Variants in GDF11 observed in about 807,000 individuals in gnomAD.
GDF11 encodes the protein growth differentiation factor 11.
Under a neutral mutation model 34.4 loss-of-function variants are expected in GDF11, and 12 were observed. The observed-to-expected ratio is 0.35, with a 90% CI of 0.22 to 0.57. GDF11 has a LOEUF of 0.57. GDF11 is among the 20% of genes least tolerant of loss of function. The pLI, the probability that GDF11 is intolerant of heterozygous loss-of-function variation, is 0.86. For missense variants in GDF11, 346 were observed against 548.2 expected, an observed-to-expected ratio of 0.63 and a Z score of 3.68; for synonymous variants, 212 against 231.1, an observed-to-expected ratio of 0.92 and a Z score of 0.75.
At position 55,751,309 on chromosome 12, in the gene GDF11, A is replaced by C. The variant is rs565440032; in HGVS notation, c.*1427A>C. 1 of 152,326 alleles carries C rather than the reference A, an allele frequency of 6.6e-6. No individual in the cohort carries two copies. Among genetic ancestry groups the C allele is most frequent in the African/African-American group, 2.4e-5 (1 of 41,440 alleles). The allele number at this position is 152,326 out of a possible 1,614,324, so 9.4% of individuals were successfully genotyped here. The stretch of plus-strand genomic sequence containing the variant: ...TTAGAACAGAGGATGGGAAGGATGG[A>C]GACTCCCGGGCTTGGAAGGCTAGGA... On this transcript the variant is annotated 3_prime_UTR_variant, in exon 3 of 3. Transcript: ENST00000257868.
rs2136167608 is a variant in GDF11, at chr12:55,749,209, G to C, written c.843+226G>C. 6.6e-6 allele frequency among the ~76,000 whole-genome samples: 1 copy of C among 152,354 alleles called. No homozygotes were observed. The highest frequency in any genetic ancestry group is 3.4e-3 in the Middle Eastern group (1 of 294). On this transcript the variant is annotated intron_variant, in intron 2 of 2. Transcript: ENST00000257868. This position sits in a 1 kb window ranked among gnomAD's most constrained non-coding sequence, Gnocchi z 5.6. ...GAAAACTGGATTTGAAGGTAAAGGT[G>C]TCAGTTAATGGAAGAGCTGTGAGAA...
At position 55,748,540 on chromosome 12, in the gene GDF11, C is replaced by T; in HGVS notation, c.446-46C>T. 6.5e-7 allele frequency: 1 copy of T among 1,545,190 alleles called. No homozygotes were observed. The highest frequency in any genetic ancestry group is 8.7e-7 in the Non-Finnish European group (1 of 1,143,874). ...AGTGCCACCCAGGACTACTGATCCC[C>T]TACACAAACACCCTTTGCTGATGCT... is the stretch of plus-strand genomic sequence containing the variant. On this transcript the variant is annotated intron_variant, in intron 1 of 2. Coordinates refer to ENST00000257868, the MANE Select transcript of GDF11 (RefSeq NM_005811.5). The surrounding 1 kb of genome is among the most constrained non-coding windows in gnomAD (Gnocchi z 5.6).
Position 55,757,260 on chromosome 12 carries a change from A to AT in GDF11, c.*7378_*7379insT, listed in dbSNP as rs1878535393. 2.9e-6 allele frequency: 1 copy of AT among 347,046 alleles called. No homozygotes were observed. Among genetic ancestry groups the AT allele is most frequent in the Non-Finnish European group, 5.3e-6 (1 of 189,854 alleles). The allele number at this position is 347,046 out of a possible 1,614,324, so 21.5% of individuals were successfully genotyped here. On this transcript the variant is annotated 3_prime_UTR_variant, in exon 3 of 3. Coordinates refer to ENST00000257868, the MANE Select transcript of GDF11 (RefSeq NM_005811.5). ...CAATAAATCAAAGGAGCACCTAATAAAACACATTGTTCTCTTTTCTATTTT... is the reference window on the plus strand; with the variant it reads ...CAATAAATCAAAGGAGCACCTAATAATAACACATTGTTCTCTTTTCTATTTT...
rs929870548 is a variant in GDF11, at chr12:55,754,123, G to C, written c.*4241G>C. 7 of 152,146 alleles carry C rather than the reference G, an allele frequency of 4.6e-5. No homozygotes were observed. Among genetic ancestry groups the C allele is most frequent in the African/African-American group, 1.4e-4 (6 of 41,418 alleles). The allele number at this position is 152,146 out of a possible 1,614,324, so 9.4% of individuals were successfully genotyped here. A position where few individuals can be genotyped will look rare whatever the true frequency, so the allele number is the denominator to read the frequency against. On this transcript the variant is annotated 3_prime_UTR_variant, in exon 3 of 3. Coordinates refer to ENST00000257868, the MANE Select transcript of GDF11 (RefSeq NM_005811.5). ...ACTCGAGACCAACTACAAGACTAAG[G>C]CTGGAAGTGGTTGAGTAGCAGAAGT...
At position 55,750,137 on chromosome 12, in the gene GDF11, CAG is replaced by C. The variant is rs908159173; in HGVS notation, c.*261_*262del. 8 of 503,738 alleles carry C rather than the reference CAG, an allele frequency of 1.6e-5. No homozygotes were observed. Among genetic ancestry groups the C allele is most frequent in the South Asian group, 5.9e-5 (2 of 34,046 alleles). The allele number at this position is 503,738 out of a possible 1,614,324, so 31.2% of individuals were successfully genotyped here. The stretch of plus-strand genomic sequence containing the variant: ...CAGATGAGAAGGTTTGACAAAAAGA[CAG>C]AGAGATGTAGAGACAGTGATAGAGA... On this transcript the variant is annotated 3_prime_UTR_variant, in exon 3 of 3. Transcript: ENST00000257868.
Position 55,751,167 on chromosome 12 carries a change from AG to A in GDF11, c.*1289del, listed in dbSNP as rs1878309622. 6.6e-6 allele frequency: 1 copy of A among 152,260 alleles called. No individual in the cohort carries two copies. The highest frequency in any genetic ancestry group is 1.5e-5 in the Non-Finnish European group (1 of 68,086). The allele number at this position is 152,260 out of a possible 1,614,324, so 9.4% of individuals were successfully genotyped here. A position where few individuals can be genotyped will look rare whatever the true frequency, so the allele number is the denominator to read the frequency against. On this transcript the variant is annotated 3_prime_UTR_variant, in exon 3 of 3. Transcript: ENST00000257868. ...CTAACCCCAAAGCTCAGGGTGGAAGAGGGGAGAACAAGGAAGCAGAGTGTAT... is the reference window on the plus strand; with the variant it reads ...CTAACCCCAAAGCTCAGGGTGGAAGAGGGAGAACAAGGAAGCAGAGTGTAT...
At chr12:55,745,111 G>A (rs1457682121) in intron 1 of GDF11, among the ~76,000 whole-genome samples, 2 of 152,166 alleles carry the variant, frequency 1.3e-5, no homozygotes, top group Non-Finnish European at 2.9e-5. Flanking sequence ...GCTTATGGAA[G>A]CTAGGGTCAG....
rs1878442476 is a variant in GDF11 at position 55,754,544 on chromosome 12, T to C, written c.*4662T>C. 1 of 152,220 alleles carries C rather than the reference T, an allele frequency of 6.6e-6. No homozygotes were observed. Among genetic ancestry groups the C allele is most frequent in the Non-Finnish European group, 1.5e-5 (1 of 68,038 alleles). 9.4% of individuals were successfully genotyped at this position (152,220 alleles called of 1,614,324 possible). ...AATGGGACTCTTTCTGCCTTTTCTT[T>C]TTCTCAAAATACGACTGCATTAACT... On this transcript the variant is annotated 3_prime_UTR_variant, in exon 3 of 3. Coordinates refer to ENST00000257868, the MANE Select transcript of GDF11 (RefSeq NM_005811.5).
In GDF11 at chr12:55,754,644, T is replaced by C. The variant is rs1878446848; in HGVS notation, c.*4762T>C. On this transcript the variant is annotated 3_prime_UTR_variant, in exon 3 of 3. Coordinates refer to ENST00000257868, the MANE Select transcript of GDF11 (RefSeq NM_005811.5). ...TAGAACCTACTCAGGGAAAGAAATA[T>C]GTATTTCCACAGTACCCTGATCACC... 1 of 152,350 alleles carries C rather than the reference T, an allele frequency of 6.6e-6. No homozygotes were observed. Among genetic ancestry groups the C allele is most frequent in the East Asian group, 1.9e-4 (1 of 5,192 alleles). The allele number at this position is 152,350 out of a possible 1,614,324, so 9.4% of individuals were successfully genotyped here. A position where few individuals can be genotyped will look rare whatever the true frequency, so the allele number is the denominator to read the frequency against.
Position 55,748,516 on chromosome 12 carries a change from G to A in GDF11, c.446-70G>A, listed in dbSNP as rs1878231176. 17 of 1,437,698 alleles carry A rather than the reference G, an allele frequency of 1.2e-5. No homozygotes were observed. Among genetic ancestry groups the A allele is most frequent in the African/African-American group, 1.4e-5 (1 of 70,556 alleles). 89.1% of individuals were successfully genotyped at this position (1,437,698 alleles called of 1,614,324 possible). Reference sequence around the variant, plus strand: ...CAGGCTGAGAAGTCCAAAATTGCCAGTGCCACCCAGGACTACTGATCCCCT... The same window carrying A: ...CAGGCTGAGAAGTCCAAAATTGCCAATGCCACCCAGGACTACTGATCCCCT... On this transcript the variant is annotated intron_variant, in intron 1 of 2. Transcript: ENST00000257868. The surrounding 1 kb of genome is among the most constrained non-coding windows in gnomAD (Gnocchi z 5.6).
chr12:55,743,881 T>A, intron 1 of GDF11, 120 bp downstream of exon 1: 1 of 798,252 alleles, frequency 1.3e-6, no homozygotes, highest in Non-Finnish European at 1.9e-6. Flanking sequence ...TGCGAAAACT[T>A]GACGAATTAG....
chr12:55,755,126 T>C lies in GDF11; in HGVS notation c.*5244T>C, dbSNP rs1878465330. 6.6e-6 allele frequency: 1 copy of C among 152,134 alleles called. No individual in the cohort carries two copies. The highest frequency in any genetic ancestry group is 1.5e-5 in the Non-Finnish European group (1 of 68,028). 9.4% of individuals were successfully genotyped at this position (152,134 alleles called of 1,614,324 possible). A position where few individuals can be genotyped will look rare whatever the true frequency, so the allele number is the denominator to read the frequency against. ...TTCCAATAATCAGAAATAAGTGGCA[T>C]TGCCAGAGGCCCTCATATAAGAGAA... On this transcript the variant is annotated 3_prime_UTR_variant, in exon 3 of 3. Transcript: ENST00000257868.
At chr12:55,744,107 G>A (rs1878128203) in intron 1 of GDF11, among the ~76,000 whole-genome samples, 1 of 152,208 alleles carries the variant, frequency 6.6e-6, no homozygotes, top group Non-Finnish European at 1.5e-5. Context: ...GGGGAGGCTG[G>A]AGAACAGAAT....
chr12:55,743,291 CAGT>C lies in GDF11; in HGVS notation c.-25_-23del. 7.6e-6 allele frequency: 7 copies of C among 915,412 alleles called. No homozygotes were observed. Among genetic ancestry groups the C allele is most frequent in the South Asian group, 4.8e-5 (1 of 20,798 alleles). 56.7% of individuals were successfully genotyped at this position (915,412 alleles called of 1,614,324 possible). A position where few individuals can be genotyped will look rare whatever the true frequency, so the allele number is the denominator to read the frequency against. On this transcript the variant is annotated 5_prime_UTR_variant, in exon 1 of 3. Coordinates refer to ENST00000257868, the MANE Select transcript of GDF11 (RefSeq NM_005811.5). ...GCGGGACTCCGGCGTCCCCGCCCCC[CAGT>C]CCTCCCTCCCCTCCCCTCCAGCATG...
rs935600244 is a variant in GDF11 at position 55,753,673 on chromosome 12, G to A, written c.*3791G>A. 6.6e-6 allele frequency: 1 copy of A among 151,174 alleles called. No individual in the cohort carries two copies. The highest frequency in any genetic ancestry group is 2.4e-5 in the African/African-American group (1 of 40,836). 9.4% of individuals were successfully genotyped at this position (151,174 alleles called of 1,614,324 possible). On this transcript the variant is annotated 3_prime_UTR_variant, in exon 3 of 3. Coordinates refer to ENST00000257868, the MANE Select transcript of GDF11 (RefSeq NM_005811.5). ...TAATCCCAGCTACATGGAAGGCTGA[G>A]GCAGAAGAATCGCTTGAACCCAGGT...
intron 1 of GDF11, among the ~76,000 whole-genome samples, chr12:55,745,793 T>TGCCCTAGTTCCCTCTACCC (rs1878171265): frequency 7.3e-6 from 1 of 136,078 alleles, no homozygotes; most frequent in Non-Finnish European, 1.6e-5. Context: ...CTGCTCTGCC[T>TGCCCTAGTTCCCTCTACCC]GCCCTAGTTC....
chr12:55,750,548 T>C lies in GDF11; in HGVS notation c.*666T>C, dbSNP rs1328616387. On this transcript the variant is annotated 3_prime_UTR_variant, in exon 3 of 3. Coordinates refer to ENST00000257868, the MANE Select transcript of GDF11 (RefSeq NM_005811.5). ...CCCACTGTGCCCCGTTTATCCCTTA[T>C]TCCCCAAACCCTGCTCTCCCCAACA... The C allele has an allele frequency of 1.3e-5, 2 of 152,164 alleles. No homozygotes were observed. Among genetic ancestry groups the C allele is most frequent in the East Asian group, 1.9e-4 (1 of 5,194 alleles). The allele number at this position is 152,164 out of a possible 1,614,324, so 9.4% of individuals were successfully genotyped here. A position where few individuals can be genotyped will look rare whatever the true frequency, so the allele number is the denominator to read the frequency against.
rs1878503907 is a variant in GDF11 at position 55,756,333 on chromosome 12, C to A, written c.*6451C>A. ...GTTTTTGGATCTGCTCTCCAAGGCA[C>A]AATTTTTCTAAATTATCTAAACTTT... On this transcript the variant is annotated 3_prime_UTR_variant, in exon 3 of 3. Transcript: ENST00000257868. 2 of 152,212 alleles carry A rather than the reference C, an allele frequency of 1.3e-5. No individual in the cohort carries two copies. The allele number at this position is 152,212 out of a possible 1,614,324, so 9.4% of individuals were successfully genotyped here.
At position 55,756,931 on chromosome 12, in the gene GDF11, A is replaced by G. The variant is rs1444000528; in HGVS notation, c.*7049A>G. On this transcript the variant is annotated 3_prime_UTR_variant, in exon 3 of 3. Transcript: ENST00000257868. ...AAGAAAAAGTCTGCATTATTAGCTA[A>G]TAACAGAAGGCTACTAATCACTGCC... 6.6e-6 allele frequency: 1 copy of G among 152,216 alleles called. No homozygotes were observed. The highest frequency in any genetic ancestry group is 1.9e-4 in the East Asian group (1 of 5,200). The allele number at this position is 152,216 out of a possible 1,614,324, so 9.4% of individuals were successfully genotyped here. A position where few individuals can be genotyped will look rare whatever the true frequency, so the allele number is the denominator to read the frequency against.
Sources: allele counts gnomAD v4.1 joint callset (sites outside exome capture counted in the v4.1 genomes callset), GRCh38; gene constraint gnomAD v4.1.1; non-coding constraint Gnocchi (gnomAD v3.1); transcripts MANE v1.5; gene names NCBI Gene and HGNC (gene_info 2026-07-23, HGNC 2026-07-21).